Variants in CDHR3 observed in about 807,000 individuals in gnomAD.
CDHR3 encodes cadherin-related family member 3.
Under a neutral mutation model 86.6 loss-of-function variants are expected in CDHR3, and 79 were observed. The observed-to-expected ratio is 0.91, with a 90% confidence interval of 0.76 to 1.10. CDHR3 has a LOEUF of 1.10. Among genes scored for constraint, CDHR3 ranks in the 50% least tolerant of loss-of-function variants. CDHR3 has a pLI of 0.00. For missense variants in CDHR3, 1,081 were observed against 1,077.6 expected (o/e 1.00, Z -0.04); for synonymous variants, 421 against 402.4 (o/e 1.05, Z -0.55).
At chr7:105,980,624 T>TTTTTTTTTTTTTTTTTTTTTTTTTTA (rs1563239075) in intron 2 of CDHR3, among the ~76,000 whole-genome samples, 1 of 12,136 alleles carries the variant, frequency 8.2e-5, no homozygotes, top group Non-Finnish European at 2.0e-4. Context: ...TTTTTTTTAA[T>TTTTTTTTTTTTTTTTTTTTTTTTTTA]TTTTTTTTTT....
intron 8 of CDHR3, among the ~76,000 whole-genome samples, chr7:106,011,847 A>C (rs548444756): frequency 4.4e-4 from 67 of 152,302 alleles, no homozygotes; most frequent in African/African-American, 1.5e-3. Context: ...TTATTTGCCT[A>C]AACCCTGGAG....
rs1838595712 is a variant in CDHR3, at chr7:106,032,916, A to G, written c.*219A>G. 1 of 542,426 alleles carries G rather than the reference A, an allele frequency of 1.8e-6. No individual in the cohort carries two copies. The highest frequency in any genetic ancestry group is 2.9e-5 in the East Asian group (1 of 34,272). 33.6% of individuals were successfully genotyped at this position (542,426 alleles called of 1,614,324 possible). ...ATGATACAGGAACATTTTCTATCAG[A>G]TTTCAGAACTACCTGTGCTTCTGAT... On this transcript the variant is annotated 3_prime_UTR_variant, in exon 19 of 19. Transcript: ENST00000317716.
rs1199752810 is a variant in CDHR3 at position 106,035,723 on chromosome 7, CCAAT to C, written c.*3029_*3032del. 6.6e-6 allele frequency: 1 copy of C among 152,066 alleles called. No individual in the cohort carries two copies. The highest frequency in any genetic ancestry group is 1.9e-4 in the East Asian group (1 of 5,164). 9.4% of individuals were successfully genotyped at this position (152,066 alleles called of 1,614,324 possible). The stretch of plus-strand genomic sequence containing the variant: ...TGGTCTGATTGGTTGCAGGAAGCAA[CCAAT>C]CAGAGACTGAAGTGGAGTTACAAAG... On this transcript the variant is annotated 3_prime_UTR_variant, in exon 19 of 19. Transcript: ENST00000317716.
At chr7:106,000,837 C>T (rs929218850) in intron 6 of CDHR3, among the ~76,000 whole-genome samples, 5 of 148,494 alleles carry the variant, frequency 3.4e-5, no homozygotes, top group African/African-American at 1.2e-4. Context: ...GAGAGCTGAC[C>T]TCATGATTAA....
intron 1 of CDHR3, among the ~76,000 whole-genome samples, chr7:105,963,664 T>C (rs906310409): frequency 1.3e-5 from 2 of 152,124 alleles, no homozygotes; most frequent in African/African-American, 4.8e-5. Flanking sequence ...GTTGGGAAAA[T>C]AGTGTTCATA....
In CDHR3 at chr7:106,030,528, G is replaced by A. The variant is rs1246987802; in HGVS notation, c.2305-264G>A. Among the ~76,000 whole-genome samples the A allele has an allele frequency of 6.6e-6, 1 of 152,074 alleles. No homozygotes were observed. The highest frequency in any genetic ancestry group is 1.5e-5 in the Non-Finnish European group (1 of 67,998). On this transcript the variant is annotated intron_variant, in intron 17 of 18. Coordinates refer to ENST00000317716, the MANE Select transcript of CDHR3 (RefSeq NM_152750.5). This position sits in a 1 kb window ranked among gnomAD's most constrained non-coding sequence, Gnocchi z 4.8. Reference sequence around the variant, plus strand: ...TTAAATGTCCCCTCTACCCCTACCTGTGCCCCATAACACCCTATATCTCCC... The same window carrying A: ...TTAAATGTCCCCTCTACCCCTACCTATGCCCCATAACACCCTATATCTCCC...
chr7:105,969,510 A>G lies in CDHR3; in HGVS notation c.47-5334A>G, dbSNP rs1007694448. 1.5e-4 allele frequency among the ~76,000 whole-genome samples: 22 copies of G among 151,608 alleles called. 1 individual carries two copies. Among genetic ancestry groups the G allele is most frequent in the South Asian group, 6.2e-4 (3 of 4,820 alleles). Reference sequence around the variant, plus strand: ...TTTATTGATAACAGTGGGATTGATTATTTGCACCTGGTCTCAACGAGGACC... The same window carrying G: ...TTTATTGATAACAGTGGGATTGATTGTTTGCACCTGGTCTCAACGAGGACC... On this transcript the variant is annotated intron_variant, in intron 1 of 18. Coordinates refer to ENST00000317716, the MANE Select transcript of CDHR3 (RefSeq NM_152750.5).
intron 14 of CDHR3, among the ~76,000 whole-genome samples, chr7:106,024,080 T>C (rs1230066123): frequency 6.6e-6 from 1 of 152,176 alleles, no homozygotes; most frequent in African/African-American, 2.4e-5. Flanking sequence ...TGCCCAGATA[T>C]GGCAGAAAAA....
intron 16 of CDHR3, 50 bp from the exon 17 acceptor site, chr7:106,028,501 T>G: frequency 6.2e-7 from 1 of 1,610,770 alleles, no homozygotes; most frequent in South Asian, 1.1e-5. Flanking sequence ...AATTTTAAGG[T>G]CAATTTACCA....
In CDHR3 at chr7:106,019,125, A is replaced by G. The variant is rs528423862; in HGVS notation, c.1653+1053A>G. ...CTCAGTTAGCAGCAGGCAGCCATAG[A>G]CAAAGATTGGTTCAGAGTCAGGAGA... On this transcript the variant is annotated intron_variant, in intron 12 of 18. Transcript: ENST00000317716. 6.6e-5 allele frequency among the ~76,000 whole-genome samples: 10 copies of G among 152,346 alleles called. No homozygotes were observed. In the South Asian group the frequency reaches 1.7e-3, roughly 25 times the overall value.
rs1483540142 is a variant in CDHR3, at chr7:106,034,865, G to T, written c.*2168G>T. 6.6e-6 allele frequency among the ~76,000 whole-genome samples: 1 copy of T among 152,144 alleles called. No individual in the cohort carries two copies. Among genetic ancestry groups the T allele is most frequent in the Admixed American group, 6.5e-5 (1 of 15,282 alleles). Reference sequence around the variant, plus strand: ...GGCTGAGGCAGGTGGATCACCTGAGGTCAGGAGTTTGAGACCAGCCTGGCC... The same window carrying T: ...GGCTGAGGCAGGTGGATCACCTGAGTTCAGGAGTTTGAGACCAGCCTGGCC... On this transcript the variant is annotated 3_prime_UTR_variant, in exon 19 of 19. Transcript: ENST00000317716.
At chr7:106,009,343 G>A (rs1402547899) in intron 8 of CDHR3, among the ~76,000 whole-genome samples, 1 of 152,170 alleles carries the variant, frequency 6.6e-6, no homozygotes, top group African/African-American at 2.4e-5. Flanking sequence ...GGCTGCATAA[G>A]GGCGGGTGCG....
At chr7:105,969,067 G>T (rs1315315454) in intron 1 of CDHR3, among the ~76,000 whole-genome samples, 1 of 149,596 alleles carries the variant, frequency 6.7e-6, no homozygotes, top group East Asian at 2.1e-4. Flanking sequence ...CAGCCCGGGG[G>T]ACAGAGCGAG....
At chr7:105,963,432 A>G in intron 1 of CDHR3, 68 bp downstream of exon 1, 3 of 1,521,650 alleles carry the variant, frequency 2.0e-6, no homozygotes, top group African/African-American at 1.4e-5. Flanking sequence ...TTGAATGACA[A>G]TGTCCCCCAG....
intron 1 of CDHR3, among the ~76,000 whole-genome samples, 161 bp downstream of exon 1, chr7:105,963,525 TGGGGGACCA>T (rs967149611): frequency 6.6e-6 from 1 of 152,192 alleles, no homozygotes; most frequent in African/African-American, 2.4e-5. Flanking sequence ...CAGGGAGCCC[TGGGGGACCA>T]GGTAGGAGCC....
intron 15 of CDHR3, 64 bp downstream of exon 15, chr7:106,024,626 C>T: frequency 1.3e-6 from 2 of 1,495,640 alleles, no homozygotes; most frequent in South Asian, 1.2e-5. Context: ...CTGGTGACAT[C>T]AGGAGAAGGA....
chr7:105,969,853 T>A (rs1039617809), intron 1 of CDHR3, among the ~76,000 whole-genome samples: 8 of 152,172 alleles, frequency 5.3e-5, no homozygotes, highest in Non-Finnish European at 1.5e-5. Flanking sequence ...TTGGGTCCCA[T>A]GAGTCTTCTT....
chr7:106,009,902 G>C (rs1350489332), intron 8 of CDHR3, among the ~76,000 whole-genome samples: 1 of 152,222 alleles, frequency 6.6e-6, no homozygotes, highest in African/African-American at 2.4e-5. Flanking sequence ...AACTTTGCAT[G>C]GGGAGAGAAA....
chr7:106,022,175 C>A, intron 13 of CDHR3, 23 bp from the exon 14 acceptor site: 9 of 1,613,320 alleles, frequency 5.6e-6, no homozygotes, highest in Non-Finnish European at 7.6e-6. Flanking sequence ...TTTACCAACA[C>A]CCCTGCATCA....
Sources: allele counts gnomAD v4.1 joint callset (sites outside exome capture counted in the v4.1 genomes callset), GRCh38; gene constraint gnomAD v4.1.1; non-coding constraint Gnocchi (gnomAD v3.1); transcripts MANE v1.5; gene names NCBI Gene and HGNC (gene_info 2026-07-23, HGNC 2026-07-21).